ACVR2A: variants seen among roughly 807,000 people sequenced by gnomAD.
The protein encoded by ACVR2A is activin receptor type-2A.
In ACVR2A, 7 loss-of-function variants were observed where a neutral mutation model predicts 61.4. That is an observed-to-expected ratio of 0.11 (90% confidence interval 0.06 to 0.21). The LOEUF is 0.21. Among genes scored for constraint, ACVR2A ranks in the 10% least tolerant of loss-of-function variants. The pLI is 1.00. For missense variants in ACVR2A, 322 were observed against 621.7 expected (o/e 0.52, Z 5.13); for synonymous variants, 193 against 208.3 (o/e 0.93, Z 0.63).
At chr2:147,891,174 C>G (rs1401806059) in intron 1 of ACVR2A, among the ~76,000 whole-genome samples, 1 of 152,154 alleles carries the variant, frequency 6.6e-6, no homozygotes, top group Non-Finnish European at 1.5e-5. Flanking sequence ...GCAGCCATTA[C>G]TAACGCTGAT....
At chr2:147,895,188 G>A (rs929908602) in intron 1 of ACVR2A, among the ~76,000 whole-genome samples, 5 of 152,014 alleles carry the variant, frequency 3.3e-5, no homozygotes, top group Non-Finnish European at 7.4e-5. Context: ...ACCATACATG[G>A]CACAGTTTGC....
chr2:147,866,723 AC>A (rs1040601744), intron 1 of ACVR2A, among the ~76,000 whole-genome samples: 24 of 152,334 alleles, frequency 1.6e-4, no homozygotes, highest in African/African-American at 5.8e-4. Flanking sequence ...GCAGAAGAGT[AC>A]TATTATCATT....
intron 4 of ACVR2A, among the ~76,000 whole-genome samples, chr2:147,909,711 C>T (rs369882595): frequency 2.6e-5 from 4 of 152,106 alleles, no homozygotes; most frequent in East Asian, 3.8e-4. Flanking sequence ...GATCACAGCC[C>T]ACTGCAGCCT....
intron 1 of ACVR2A, among the ~76,000 whole-genome samples, chr2:147,875,746 A>G (rs138711758): frequency 4.5e-4 from 68 of 152,200 alleles, no homozygotes; most frequent in Non-Finnish European, 8.4e-4. Flanking sequence ...TCAGAACTCC[A>G]TGTATGTTGG....
At chr2:147,912,005 T>G (rs1460198483) in intron 4 of ACVR2A, among the ~76,000 whole-genome samples, 1 of 152,036 alleles carries the variant, frequency 6.6e-6, no homozygotes, top group Non-Finnish European at 1.5e-5. Context: ...TTTGGCATCT[T>G]TAGCAAATGA....
intron 4 of ACVR2A, among the ~76,000 whole-genome samples, chr2:147,904,580 G>A (rs1044424582): frequency 6.6e-6 from 1 of 151,830 alleles, no homozygotes; most frequent in East Asian, 1.9e-4. Context: ...CTAGGTGTGG[G>A]TCTGATAAGG....
intron 5 of ACVR2A, 151 bp from the exon 6 acceptor site, chr2:147,917,132 C>T: frequency 1.5e-6 from 1 of 689,274 alleles, no homozygotes; most frequent in South Asian, 2.8e-5. Context: ...ATTGTCAGAG[C>T]TTTTTCTTAT....
chr2:147,880,150 G>C (rs1686263594), intron 1 of ACVR2A, among the ~76,000 whole-genome samples: 1 of 152,088 alleles, frequency 6.6e-6, no homozygotes, highest in African/African-American at 2.4e-5. Flanking sequence ...CCATCAAGAA[G>C]CTGTTATGGT....
At chr2:147,912,845 C>G (rs1459113829) in intron 4 of ACVR2A, among the ~76,000 whole-genome samples, 2 of 151,796 alleles carry the variant, frequency 1.3e-5, no homozygotes, top group Admixed American at 6.6e-5. Context: ...TACAGGAAGA[C>G]CTTGTAGACC....
rs189361367 is a variant in ACVR2A, at chr2:147,913,649, G to A, written c.529-1542G>A. 5.4e-3 allele frequency among the ~76,000 whole-genome samples: 812 copies of A among 151,396 alleles called. 14 individuals carry two copies. The highest frequency in any genetic ancestry group is 0.019 in the African/African-American group (779 of 41,334). ...TCACTTGAAGAATGAGGGAGGGAGG[G>A]TGTAGTTTTTAATAAAAACTCTCTA... is the stretch of plus-strand genomic sequence containing the variant. On this transcript the variant is annotated intron_variant, in intron 4 of 10. Coordinates refer to ENST00000241416, the MANE Select transcript of ACVR2A (RefSeq NM_001616.5).
rs751273191 is a variant in ACVR2A at position 147,927,461 on chromosome 2, T to C, written c.*187T>C. On this transcript the variant is annotated 3_prime_UTR_variant, in exon 11 of 11. Coordinates refer to ENST00000241416, the MANE Select transcript of ACVR2A (RefSeq NM_001616.5). Reference sequence around the variant, plus strand: ...TACTGCATTGCCGACAGCACAGATGTGAAGGACATGAGACTAAGAGAAACC... The same window carrying C: ...TACTGCATTGCCGACAGCACAGATGCGAAGGACATGAGACTAAGAGAAACC... 6 of 545,510 alleles carry C rather than the reference T, an allele frequency of 1.1e-5. No homozygotes were observed. The highest frequency in any genetic ancestry group is 3.9e-5 in the African/African-American group (2 of 50,860). 33.8% of individuals were successfully genotyped at this position (545,510 alleles called of 1,614,324 possible). A position where few individuals can be genotyped will look rare whatever the true frequency, so the allele number is the denominator to read the frequency against.
Position 147,927,556 on chromosome 2 carries a change from CT to C in ACVR2A, c.*286del. On this transcript the variant is annotated 3_prime_UTR_variant, in exon 11 of 11. Coordinates refer to ENST00000241416, the MANE Select transcript of ACVR2A (RefSeq NM_001616.5). The stretch of plus-strand genomic sequence containing the variant: ...ATGTAGCCCTCTCCAAATCAAGGAT[CT>C]TTTGGACCTGGCTAATGGAGTGTTT... 4.1e-6 allele frequency: 1 copy of C among 245,236 alleles called. No individual in the cohort carries two copies. 15.2% of individuals were successfully genotyped at this position (245,236 alleles called of 1,614,324 possible). A position where few individuals can be genotyped will look rare whatever the true frequency, so the allele number is the denominator to read the frequency against.
intron 1 of ACVR2A, among the ~76,000 whole-genome samples, chr2:147,871,621 G>A (rs570823447): frequency 1.8e-4 from 28 of 152,240 alleles, no homozygotes; most frequent in African/African-American, 6.3e-4. Context: ...GCAAGCAAAA[G>A]TGTAGAATAG....
At chr2:147,874,133 G>A (rs563567331) in intron 1 of ACVR2A, among the ~76,000 whole-genome samples, 15 of 151,998 alleles carry the variant, frequency 9.9e-5, no homozygotes, top group African/African-American at 1.4e-4. Flanking sequence ...AGTGAAATAA[G>A]ATAGGACCTA....
chr2:147,871,736 C>T (rs1239756681), intron 1 of ACVR2A, among the ~76,000 whole-genome samples: 1 of 152,060 alleles, frequency 6.6e-6, no homozygotes, highest in Non-Finnish European at 1.5e-5. Context: ...TCGTTGTTAG[C>T]CATCTGTTAA....
At chr2:147,913,685 T>C (rs1687175313) in intron 4 of ACVR2A, among the ~76,000 whole-genome samples, 1 of 151,678 alleles carries the variant, frequency 6.6e-6, no homozygotes, top group Non-Finnish European at 1.5e-5. Context: ...GAGGTTCTTG[T>C]GTCCCCTCCA....
rs1687641971 is a variant in ACVR2A at position 147,930,298 on chromosome 2, A to ATTT, written c.*3024_*3025insTTT. 4.6e-5 allele frequency: 7 copies of ATTT among 151,424 alleles called. No homozygotes were observed. The South Asian group carries it at 1.5e-3, about 32-fold the overall frequency. 9.4% of individuals were successfully genotyped at this position (151,424 alleles called of 1,614,324 possible). ...TTAAGTAAAATGCAGGTGGTAGGGG[A>ATTT]AAAAAAACCATGGCGAGATGGTGGT... On this transcript the variant is annotated 3_prime_UTR_variant, in exon 11 of 11. Coordinates refer to ENST00000241416, the MANE Select transcript of ACVR2A (RefSeq NM_001616.5).
intron 1 of ACVR2A, among the ~76,000 whole-genome samples, chr2:147,865,871 G>T (rs1412952816): frequency 1.3e-5 from 2 of 152,184 alleles, no homozygotes; most frequent in African/African-American, 4.8e-5. Context: ...GATAGCAGAA[G>T]CAGCTTTTGG....
intron 1 of ACVR2A, among the ~76,000 whole-genome samples, chr2:147,867,114 A>G (rs1285876129): frequency 3.3e-5 from 5 of 152,196 alleles, no homozygotes; most frequent in Non-Finnish European, 5.9e-5. Flanking sequence ...AAAAGTCACC[A>G]CTAGATTTGT....
Sources: gnomAD v4.1 joint callset for allele counts (sites outside exome capture counted in the v4.1 genomes callset) on GRCh38, gnomAD v4.1.1 for gene constraint, MANE v1.5 for transcripts, NCBI Gene and HGNC (gene_info 2026-07-23, HGNC 2026-07-21) for gene names.